Variants in CFAP43 observed in about 807,000 individuals in gnomAD.
CFAP43 encodes cilia- and flagella-associated protein 43.
CFAP43 carries 155 observed loss-of-function variants against 218.9 expected under a neutral mutation model. That is an observed-to-expected ratio of 0.71 (90% CI 0.62 to 0.81). The LOEUF is 0.81. Among genes scored for constraint, CFAP43 ranks in the 30% least tolerant of loss-of-function variants. CFAP43 has a pLI of 0.00. For synonymous variants in CFAP43, 645 were observed against 681.3 expected (o/e 0.95, Z 0.83); for missense variants, 1,778 against 1,954.3 (o/e 0.91, Z 1.70).
chr10:104,185,213 G>T, intron 15 of CFAP43, 67 bp from the exon 16 acceptor site: 2 of 1,582,400 alleles, frequency 1.3e-6, no homozygotes, highest in South Asian at 2.3e-5. Context: ...TTTCTAATGG[G>T]GTTATATGCC....
Position 104,212,133 on chromosome 10 carries a change from A to G in CFAP43, c.609T>C (p.Asp203=), listed in dbSNP as rs1343416193. The G allele has an allele frequency of 2.5e-5, 40 of 1,613,842 alleles. No individual in the cohort carries two copies. The highest frequency in any genetic ancestry group is 3.4e-5 in the Non-Finnish European group (40 of 1,179,934). Residue 203 remains aspartate (D), a synonymous_variant, in exon 5 of 38, where the codon GAT becomes GAC. Coordinates refer to ENST00000357060, the MANE Select transcript of CFAP43 (RefSeq NM_025145.7). ...RARSVKLPLE[D]GSFFNETDVV... is the part of the protein sequence containing the mutation. Reference sequence around the variant, plus strand: ...CATCCGTTTCATTAAAAAATGACCCATCTTCTAGAGGTAATTTCACCGACC... The same window carrying G: ...CATCCGTTTCATTAAAAAATGACCCGTCTTCTAGAGGTAATTTCACCGACC...
intron 5 of CFAP43, among the ~76,000 whole-genome samples, chr10:104,208,754 T>C (rs530712853): frequency 6.6e-6 from 1 of 152,226 alleles, no homozygotes; most frequent in Admixed American, 6.5e-5. Context: ...AATATTTGAG[T>C]CTCTAAAAGA....
rs2089088866 is a variant in CFAP43, at chr10:104,165,148, C to T, written c.3040-848G>A. 3.3e-5 allele frequency among the ~76,000 whole-genome samples: 5 copies of T among 152,318 alleles called. No homozygotes were observed. In the South Asian group the frequency reaches 1.0e-3, roughly 32 times the overall value. ...TTCTCAGGTAGGAAAGAAACCTGTG[C>T]TAGCCAGCTGGAGTAACCAATTCCT... On this transcript the variant is annotated intron_variant, in intron 23 of 37. Coordinates refer to ENST00000357060, the MANE Select transcript of CFAP43 (RefSeq NM_025145.7).
Position 104,179,944 on chromosome 10 carries a change from T to C in CFAP43, c.2290-12A>G. ...CTTGCCTTCTGTTTCTGATACATGGTAGAAAAAGACAGACATGTCTTAAAG... is the reference window on the plus strand; with the variant it reads ...CTTGCCTTCTGTTTCTGATACATGGCAGAAAAAGACAGACATGTCTTAAAG... On this transcript the variant is annotated splice_polypyrimidine_tract_variant and intron_variant, in intron 17 of 37. Transcript: ENST00000357060. The C allele has an allele frequency of 3.7e-6, 6 of 1,603,310 alleles. No homozygotes were observed. Among genetic ancestry groups the C allele is most frequent in the Non-Finnish European group, 5.1e-6 (6 of 1,171,774 alleles).
intron 34 of CFAP43, among the ~76,000 whole-genome samples, chr10:104,135,184 AT>A (rs57102591): frequency 0.28 from 42,505 of 151,982 alleles, 8,568 homozygotes; most frequent in African/African-American, 0.58. Flanking sequence ...CACTTCAATG[AT>A]TAAAAAAAAT....
chr10:104,182,119 T>A (rs1392825197), intron 17 of CFAP43, among the ~76,000 whole-genome samples: 1 of 152,212 alleles, frequency 6.6e-6, no homozygotes, highest in African/African-American at 2.4e-5. Flanking sequence ...GAAGATTTTT[T>A]TTTCCAGGCA....
At chr10:104,222,625 T>C (rs747116185) in intron 3 of CFAP43, among the ~76,000 whole-genome samples, 22 of 152,132 alleles carry the variant, frequency 1.4e-4, no homozygotes, top group Non-Finnish European at 2.2e-4. Flanking sequence ...CTGACTCAAA[T>C]TTCCTAAATA....
At position 104,140,989 on chromosome 10, in the gene CFAP43, C is replaced by A. The variant is rs777476364; in HGVS notation, c.4284G>T (p.Glu1428Asp). 6.2e-7 allele frequency: 1 copy of A among 1,610,474 alleles called. No homozygotes were observed. Among genetic ancestry groups the A allele is most frequent in the Non-Finnish European group, 8.5e-7 (1 of 1,178,666 alleles). ...VFHELILLQE[E>D]KVRFQLNLTI... ...TCAAATTCAACTGGAATCTCACTTT[C>A]TCTTCCTGTAATCTGAATTGAAAAG... The change falls in exon 34 of 38, where the codon GAG (glutamate) becomes GAT (aspartate). Residue 1428 changes from glutamate to aspartate, a missense_variant. By Grantham distance (45) the Glu-to-Asp change is conservative. Around this residue, in one of 3 missense-constraint regions of CFAP43, gnomAD observed 1,553 missense variants for 1,685.2 expected, o/e 0.92. Coordinates refer to ENST00000357060, the MANE Select transcript of CFAP43 (RefSeq NM_025145.7).
intron 8 of CFAP43, among the ~76,000 whole-genome samples, chr10:104,202,627 T>C (rs978515338): frequency 6.6e-6 from 1 of 152,218 alleles, no homozygotes; most frequent in Non-Finnish European, 1.5e-5. Flanking sequence ...AATTCATTTA[T>C]TCTCTCTTTG....
At position 104,196,951 on chromosome 10, in the gene CFAP43, CAAA is replaced by C; in HGVS notation, c.1213-21_1213-19del. ...GTAAGTGTCTGTAAAAAAAGAAAAA[CAAA>C]AACTCTACATGGAAAATAAGACTTT... On this transcript the variant is annotated intron_variant, in intron 9 of 37. Transcript: ENST00000357060. The C allele has an allele frequency of 6.3e-7, 1 of 1,596,306 alleles. No homozygotes were observed. Among genetic ancestry groups the C allele is most frequent in the Non-Finnish European group, 8.5e-7 (1 of 1,170,086 alleles).
intron 4 of CFAP43, among the ~76,000 whole-genome samples, chr10:104,213,827 A>C (rs2090935379): frequency 6.6e-6 from 1 of 152,062 alleles, no homozygotes; most frequent in Admixed American, 6.6e-5. Context: ...GAGCCACTGC[A>C]CTCGGCCAAT....
intron 10 of CFAP43, among the ~76,000 whole-genome samples, chr10:104,195,676 G>A (rs554128625): frequency 6.6e-6 from 1 of 152,244 alleles, no homozygotes; most frequent in African/African-American, 2.4e-5. Flanking sequence ...GTGTAATGCA[G>A]CAAATAATAT....
chr10:104,163,843 G>C (rs2089008116), intron 24 of CFAP43, among the ~76,000 whole-genome samples: 1 of 152,194 alleles, frequency 6.6e-6, no homozygotes, highest in Admixed American at 6.5e-5. Context: ...AAGGCTTCTG[G>C]GCCTCCCATG....
chr10:104,167,851 G>A (rs1401425443), intron 21 of CFAP43, 114 bp from the exon 22 acceptor site: 12 of 657,810 alleles, frequency 1.8e-5, no homozygotes, highest in Non-Finnish European at 1.5e-5. Context: ...GTTATCATGT[G>A]TTAGTAAAAT....
At chr10:104,171,227 C>T (rs1443956126) in intron 20 of CFAP43, among the ~76,000 whole-genome samples, 1 of 152,106 alleles carries the variant, frequency 6.6e-6, no homozygotes, top group Admixed American at 6.5e-5. Flanking sequence ...TATTCTATTC[C>T]CAGCACCTAG....
chr10:104,138,805 A>T, intron 34 of CFAP43, among the ~76,000 whole-genome samples: 1 of 152,338 alleles, frequency 6.6e-6, no homozygotes, highest in East Asian at 1.9e-4. Context: ...AGTTAATAAT[A>T]ATGTGTCAAT....
At chr10:104,193,557 A>AT (rs1417867237) in intron 11 of CFAP43, 1 of 285,080 alleles carries the variant, frequency 3.5e-6, no homozygotes, top group Non-Finnish European at 6.8e-6. Context: ...CTGGCACACT[A>AT]TACACACATG....
chr10:104,212,273 A>G, intron 4 of CFAP43, 116 bp from the exon 5 acceptor site: 1 of 921,500 alleles, frequency 1.1e-6, no homozygotes. Context: ...AAAATCAAAT[A>G]AGAAGATAAA....
intron 31 of CFAP43, 85 bp downstream of exon 31, chr10:104,145,391 G>T: frequency 2.6e-6 from 2 of 776,118 alleles, no homozygotes; most frequent in Non-Finnish European, 4.2e-6. Flanking sequence ...CCATTTAATT[G>T]GGAGAAAAAA....
Sources: gnomAD v4.1 joint callset for allele counts (sites outside exome capture counted in the v4.1 genomes callset) on GRCh38, gnomAD v4.1.1 for gene constraint, gnomAD v4.1.1 regional missense constraint, MANE v1.5 for transcripts, NCBI Gene and HGNC (gene_info 2026-07-23, HGNC 2026-07-21) for gene names.